Variants in TRAK1 observed in about 807,000 individuals in gnomAD.
TRAK1 encodes trafficking kinesin-binding protein 1.
Under a neutral mutation model 92.1 loss-of-function variants are expected in TRAK1, and 33 were observed. The observed-to-expected ratio is 0.36, with a 90% CI of 0.27 to 0.48. The LOEUF (loss-of-function observed/expected upper bound fraction) is 0.48. Ranked by LOEUF, TRAK1 falls within the 20% of genes least tolerant of loss-of-function variation. TRAK1 has a pLI of 0.99. For synonymous variants in TRAK1, 521 were observed against 517.3 expected (o/e 1.01, Z -0.10); for missense variants, 1,123 against 1,257.9 (o/e 0.89, Z 1.62).
intron 1 of TRAK1, among the ~76,000 whole-genome samples, chr3:42,108,030 C>T (rs776655028): frequency 1.3e-5 from 2 of 151,974 alleles, no homozygotes; most frequent in African/African-American, 2.4e-5. Flanking sequence ...GGCTCTCACA[C>T]CAGTGCTTTT....
chr3:42,083,132 A>G (rs1255050316), upstream of TRAK1, among the ~76,000 whole-genome samples: 1 of 152,210 alleles, frequency 6.6e-6, no homozygotes, highest in African/African-American at 2.4e-5. Flanking sequence ...ACATAAGACT[A>G]TAAGTTTCCT....
At chr3:42,028,483 T>C (rs1038673806) in intron 1 of TRAK1, among the ~76,000 whole-genome samples, 3 of 152,042 alleles carry the variant, frequency 2.0e-5, no homozygotes, top group African/African-American at 7.2e-5. Context: ...AATGTAGTAA[T>C]AGATGTAGGA....
chr3:42,024,097 G>T (rs930168039), intron 1 of TRAK1, among the ~76,000 whole-genome samples: 4 of 152,034 alleles, frequency 2.6e-5, no homozygotes, highest in Middle Eastern at 3.2e-3. Context: ...GCAGTGGGAC[G>T]TCTGGGCCTG....
intron 2 of TRAK1, among the ~76,000 whole-genome samples, chr3:42,140,736 T>C (rs1576578217): frequency 6.6e-6 from 1 of 152,254 alleles, no homozygotes; most frequent in East Asian, 1.9e-4. Flanking sequence ...TAAGGCTGTC[T>C]TTCATGTGAG....
Position 42,188,116 on chromosome 3 carries a change from G to C in TRAK1, c.552G>C (p.Glu184Asp). 1 of 1,614,156 alleles carries C rather than the reference G, an allele frequency of 6.2e-7. No homozygotes were observed. Among genetic ancestry groups the C allele is most frequent in the Non-Finnish European group, 8.5e-7 (1 of 1,180,038 alleles). ...LLQFYTSAAE[E>D]SEPESVCSTP... ...AGTTCTACACCAGCGCTGCGGAGGA[G>C]AGTGAGCCCGAGTCCGTTTGCTCAA... The change falls in exon 5 of 16, where the codon GAG becomes GAC. Residue 184 changes from glutamate (E) to aspartate (D), a missense_variant. Glu to Asp is a conservative substitution (Grantham distance 45). Transcript: ENST00000327628.
At chr3:42,158,134 A>G (rs549754354) in intron 2 of TRAK1, among the ~76,000 whole-genome samples, 1 of 152,350 alleles carries the variant, frequency 6.6e-6, no homozygotes. Context: ...CTTGGACATC[A>G]TTTAGAATAT....
At chr3:42,210,444 G>GAA in intron 14 of TRAK1, 1 of 1,260,874 alleles carries the variant, frequency 7.9e-7, no homozygotes, top group East Asian at 3.0e-5. Context: ...TTGGGTCCCT[G>GAA]AAAACATCAG....
intron 1 of TRAK1, among the ~76,000 whole-genome samples, chr3:42,026,340 C>A (rs1483732045): frequency 3.9e-5 from 6 of 152,118 alleles, no homozygotes; most frequent in Admixed American, 2.0e-4. Flanking sequence ...GGTTAGCTTG[C>A]TGCCTCTTCA....
intron 13 of TRAK1, chr3:42,204,055 T>C (rs1333566477): frequency 1.0e-6 from 1 of 984,930 alleles, no homozygotes; most frequent in Non-Finnish European, 1.2e-6. Context: ...ATTGTATAAT[T>C]GGGGTCTTTC....
At chr3:42,075,099 AC>A (rs1184033196) in intron 1 of TRAK1, among the ~76,000 whole-genome samples, 1 of 152,026 alleles carries the variant, frequency 6.6e-6, no homozygotes, top group Non-Finnish European at 1.5e-5. Context: ...TGACCAGTCC[AC>A]CACTGATAGC....
chr3:42,042,293 A>G (rs1410727143), intron 1 of TRAK1, among the ~76,000 whole-genome samples: 1 of 151,058 alleles, frequency 6.6e-6, no homozygotes, highest in Non-Finnish European at 1.5e-5. Context: ...CTTTTTCTGC[A>G]TCTATTGAGA....
At chr3:42,193,267 A>G (rs1706091800) in intron 8 of TRAK1, 62 bp downstream of exon 8, 2 of 1,593,932 alleles carry the variant, frequency 1.3e-6, no homozygotes, top group Admixed American at 3.5e-5. Flanking sequence ...GGGAAGGGAC[A>G]TTTACTCCAG....
intron 1 of TRAK1, among the ~76,000 whole-genome samples, chr3:42,038,802 A>AAAG (rs1559714995): frequency 9.4e-6 from 1 of 105,922 alleles, no homozygotes. Context: ...AAAAAAAAAA[A>AAAG]GTTTTTTTTT....
At position 42,188,140 on chromosome 3, in the gene TRAK1, A is replaced by G; in HGVS notation, c.576A>G (p.Ser192=). 11 of 1,614,048 alleles carry G rather than the reference A, an allele frequency of 6.8e-6. No homozygotes were observed. Among genetic ancestry groups the G allele is most frequent in the Non-Finnish European group, 9.3e-6 (11 of 1,180,002 alleles). Residue 192 remains serine, a synonymous_variant, in exon 5 of 16, where the codon TCA becomes TCG. Transcript: ENST00000327628. ...AEESEPESVC[S]TPLKRNESSS... Reference sequence around the variant, plus strand: ...AGAGTGAGCCCGAGTCCGTTTGCTCAACCCCGTAAGTCACCAGAGGGCTGT... The same window carrying G: ...AGAGTGAGCCCGAGTCCGTTTGCTCGACCCCGTAAGTCACCAGAGGGCTGT...
At chr3:42,217,081 GTT>G (rs1254948716) in intron 14 of TRAK1, among the ~76,000 whole-genome samples, 29 of 143,482 alleles carry the variant, frequency 2.0e-4, no homozygotes, top group African/African-American at 7.4e-4. Flanking sequence ...GATGTTTTAT[GTT>G]TCTCTCTCTC....
At chr3:42,191,895 ATTTTTTTTTTT>A (rs68023368) in intron 7 of TRAK1, among the ~76,000 whole-genome samples, 3 of 72,764 alleles carry the variant, frequency 4.1e-5, no homozygotes, top group East Asian at 5.8e-4. Context: ...GAATATTGGA[ATTTTTTTTTTT>A]TTTTTTTTTT....
At chr3:42,212,420 T>C (rs531346640) in intron 14 of TRAK1, 1 of 985,462 alleles carries the variant, frequency 1.0e-6, no homozygotes, top group South Asian at 4.7e-5. Flanking sequence ...GGAAAACTTG[T>C]ATGCTAGGCA....
At position 42,187,333 on chromosome 3, in the gene TRAK1, G is replaced by A. The variant is rs555240660; in HGVS notation, c.481-712G>A. 3.8e-4 allele frequency among the ~76,000 whole-genome samples: 58 copies of A among 152,304 alleles called. No homozygotes were observed. The South Asian group carries it at 7.9e-3, about 21-fold the overall frequency. On this transcript the variant is annotated intron_variant, in intron 4 of 15. Transcript: ENST00000327628. The stretch of plus-strand genomic sequence containing the variant: ...TCTCCAGGACCCTATTTGGAGTTGG[G>A]ATTTGGTTCTGGCAGAAGTGAATGA...
At chr3:42,069,341 A>AAAAAG (rs1703816580) in intron 1 of TRAK1, among the ~76,000 whole-genome samples, 1 of 151,852 alleles carries the variant, frequency 6.6e-6, no homozygotes, top group Non-Finnish European at 1.5e-5. Flanking sequence ...AGAAAAAAGA[A>AAAAAG]AAGTTATGGG....
Sources: gnomAD v4.1 joint callset for allele counts (sites outside exome capture counted in the v4.1 genomes callset) on GRCh38, gnomAD v4.1.1 for gene constraint, MANE v1.5 for transcripts, NCBI Gene and HGNC (gene_info 2026-07-23, HGNC 2026-07-21) for gene names.